The following MFSD2B variants were observed in gnomAD, a reference collection of about 807,000 sequenced individuals.
MFSD2B encodes MFSD2 lysolipid transporter B, sphingolipid, also known as sphingosine-1-phosphate transporter MFSD2B.
In MFSD2B, 56 loss-of-function variants were observed where a neutral mutation model predicts 58.4. That is an observed-to-expected ratio of 0.96 (90% CI 0.77 to 1.20). MFSD2B has a LOEUF of 1.20. MFSD2B is among the 50% of genes most tolerant of loss of function. The probability of loss-of-function intolerance (pLI) is 0.00; values close to 1 mark genes in which losing one functional copy is unlikely to be tolerated. For missense variants in MFSD2B, 645 were observed against 667.6 expected, an observed-to-expected ratio of 0.97 and a Z score of 0.37; for synonymous variants, 287 against 294.4, an observed-to-expected ratio of 0.97 and a Z score of 0.26.
rs1662732978 is a variant in MFSD2B at position 24,020,460 on chromosome 2, A to C, written c.682-1188A>C. On this transcript the variant is annotated intron_variant, in intron 6 of 13. Transcript: ENST00000338315. This position sits in a 1 kb window ranked among gnomAD's most constrained non-coding sequence, Gnocchi z 4.1. Reference sequence around the variant, plus strand: ...GCGCCCTCCCTCTCCTCCCCTCCCCAGAGGCAGCCTCTGTCCCGAACTGGC... The same window carrying C: ...GCGCCCTCCCTCTCCTCCCCTCCCCCGAGGCAGCCTCTGTCCCGAACTGGC... Among the ~76,000 whole-genome samples the C allele has an allele frequency of 6.7e-6, 1 of 149,234 alleles. No homozygotes were observed. The highest frequency in any genetic ancestry group is 1.5e-5 in the Non-Finnish European group (1 of 67,362).
At position 24,020,138 on chromosome 2, in the gene MFSD2B, G is replaced by T. The variant is rs1339178806; in HGVS notation, c.682-1510G>T. On this transcript the variant is annotated intron_variant, in intron 6 of 13. Transcript: ENST00000338315. The surrounding 1 kb of genome is among the most constrained non-coding windows in gnomAD (Gnocchi z 4.1). ...AGGTCACTTGGGGCCCTGAGCTGGG[G>T]ACATGTGTGGTCCTTGATGTGACAC... Among the ~76,000 whole-genome samples the T allele has an allele frequency of 6.6e-6, 1 of 152,162 alleles. No individual in the cohort carries two copies. Among genetic ancestry groups the T allele is most frequent in the Non-Finnish European group, 1.5e-5 (1 of 68,026 alleles).
rs1322132843 is a variant in MFSD2B, at chr2:24,023,610, C to G, written c.1197C>G (p.Asp399Glu). The G allele has an allele frequency of 1.2e-6, 2 of 1,613,950 alleles. No individual in the cohort carries two copies. Among genetic ancestry groups the G allele is most frequent in the Non-Finnish European group, 1.7e-6 (2 of 1,179,834 alleles). Residue 399 changes from aspartate to glutamate, a missense_variant, in exon 12 of 14, where the codon GAC becomes GAG. Asp to Glu is a conservative substitution (Grantham distance 45). Transcript: ENST00000338315. This position sits in a 1 kb window ranked among gnomAD's most constrained non-coding sequence, Gnocchi z 5.0. ...CCATGCTGCCAGACGTGGTGGATGACTTTCAGCTGCAGCACCGTCACGGGC... is the reference window on the plus strand; with the variant it reads ...CCATGCTGCCAGACGTGGTGGATGAGTTTCAGCTGCAGCACCGTCACGGGC... ...PWSMLPDVVD[D>E]FQLQHRHGPG... is the part of the protein sequence containing the mutation.
intron 2 of MFSD2B, 88 bp downstream of exon 2, chr2:24,013,498 C>T: frequency 1.5e-6 from 2 of 1,341,658 alleles, no homozygotes; most frequent in Non-Finnish European, 2.0e-6. Context: ...CTCCCACTAT[C>T]CTTGTAGACA....
At position 24,017,303 on chromosome 2, in the gene MFSD2B, C is replaced by T. The variant is rs757025436; in HGVS notation, c.489C>T (p.Tyr163=). 4 of 1,603,724 alleles carry T rather than the reference C, an allele frequency of 2.5e-6. No homozygotes were observed. In the Admixed American group the frequency reaches 6.8e-5, roughly 27 times the overall value. ...CGCCCCAGTTCTTCCAGGTGCCCTA[C>T]ACAGCGCTCACCATGCTGCTGACTC... ...QALATFFQVP[Y]TALTMLLTPC... Residue 163 remains tyrosine, a synonymous_variant, in exon 5 of 14, where the codon TAC becomes TAT. Transcript: ENST00000338315. The surrounding 1 kb of genome is among the most constrained non-coding windows in gnomAD (Gnocchi z 4.8).
Position 24,022,518 on chromosome 2 carries a change from T to G in MFSD2B, c.978+2T>G, listed in dbSNP as rs1429499484. The G allele has an allele frequency of 6.2e-7, 1 of 1,611,404 alleles. No homozygotes were observed. On this transcript the variant is annotated splice_donor_variant, in intron 9 of 13. Coordinates refer to ENST00000338315, the MANE Select transcript of MFSD2B (RefSeq NM_001346880.2). LOFTEE classifies it high-confidence loss of function. The surrounding 1 kb of genome is among the most constrained non-coding windows in gnomAD (Gnocchi z 4.5). The stretch of plus-strand genomic sequence containing the variant: ...CAGGGCCTGGTACTAACTGTCCTGG[T>G]GAGGGGGCCTGGGGTGGTGGAGGCT...
At chr2:24,011,733 C>T (rs530852286) in intron 1 of MFSD2B, among the ~76,000 whole-genome samples, 2 of 152,318 alleles carry the variant, frequency 1.3e-5, no homozygotes, top group South Asian at 2.1e-4. Flanking sequence ...GTACTGGAAA[C>T]ACCATGATAA....
At position 24,023,025 on chromosome 2, in the gene MFSD2B, C is replaced by T; in HGVS notation, c.1060-105C>T. The T allele has an allele frequency of 7.5e-7, 1 of 1,338,090 alleles. No individual in the cohort carries two copies. Among genetic ancestry groups the T allele is most frequent in the Non-Finnish European group, 1.1e-6 (1 of 939,998 alleles). 82.9% of individuals were successfully genotyped at this position (1,338,090 alleles called of 1,614,324 possible). The stretch of plus-strand genomic sequence containing the variant: ...TCTGTGTTCCCTTGAGTCTTTAGGG[C>T]CTAGCACAGGGCAAGGCATGGGGGT... On this transcript the variant is annotated intron_variant, in intron 10 of 13. Coordinates refer to ENST00000338315, the MANE Select transcript of MFSD2B (RefSeq NM_001346880.2). This position sits in a 1 kb window ranked among gnomAD's most constrained non-coding sequence, Gnocchi z 5.0.
rs1038610485 is a variant in MFSD2B, at chr2:24,022,299, G to A, written c.895-134G>A. On this transcript the variant is annotated intron_variant, in intron 8 of 13. Transcript: ENST00000338315. The surrounding 1 kb of genome is among the most constrained non-coding windows in gnomAD (Gnocchi z 4.5). ...TGTTGGGGATAAGTGTCCTTTGTGG[G>A]GGAAGGGACTGTATGATGGTAGCAG... 9 of 755,142 alleles carry A rather than the reference G, an allele frequency of 1.2e-5. No individual in the cohort carries two copies. The highest frequency in any genetic ancestry group is 1.0e-4 in the African/African-American group (6 of 57,426). The allele number at this position is 755,142 out of a possible 1,614,324, so 46.8% of individuals were successfully genotyped here. A position where few individuals can be genotyped will look rare whatever the true frequency, so the allele number is the denominator to read the frequency against.
At position 24,016,883 on chromosome 2, in the gene MFSD2B, T is replaced by C. The variant is rs943735431; in HGVS notation, c.386T>C (p.Phe129Ser). ...GCTPFIALAY[F>S]FLWFLPPFTS... ...ACCCCCTTCATCGCCCTGGCCTACT[T>C]CTTCCTGTGGTTCCTGCCCCCCTTC... Residue 129 changes from phenylalanine to serine, a missense_variant, in exon 4 of 14, where the codon TTC (phenylalanine) becomes TCC (serine). By Grantham distance (155) the Phe-to-Ser change is radical. Coordinates refer to ENST00000338315, the MANE Select transcript of MFSD2B (RefSeq NM_001346880.2). 1 of 1,613,852 alleles carries C rather than the reference T, an allele frequency of 6.2e-7. No individual in the cohort carries two copies. Among genetic ancestry groups the C allele is most frequent in the African/African-American group, 1.3e-5 (1 of 75,046 alleles).
At position 24,022,920 on chromosome 2, in the gene MFSD2B, C is replaced by T. The variant is rs756341599; in HGVS notation, c.1059+18C>T. The T allele has an allele frequency of 6.9e-6, 11 of 1,601,584 alleles. No individual in the cohort carries two copies. In the East Asian group the frequency reaches 2.5e-4, roughly 36 times the overall value. On this transcript the variant is annotated intron_variant, in intron 10 of 13. Transcript: ENST00000338315. This position sits in a 1 kb window ranked among gnomAD's most constrained non-coding sequence, Gnocchi z 4.5. ...GGATCTTTGTGAGTGAGGCGGGAATCAAGGATTGGGGGTGGCCGGAGGGGA... is the reference window on the plus strand; with the variant it reads ...GGATCTTTGTGAGTGAGGCGGGAATTAAGGATTGGGGGTGGCCGGAGGGGA...
chr2:24,015,805 C>T (rs145899681), intron 2 of MFSD2B, among the ~76,000 whole-genome samples: 56 of 152,332 alleles, frequency 3.7e-4, no homozygotes, highest in African/African-American at 1.3e-3. Context: ...GTATTATTTA[C>T]ATAGTCAGAA....
At chr2:24,015,322 C>T (rs1709100006) in intron 2 of MFSD2B, among the ~76,000 whole-genome samples, 1 of 151,584 alleles carries the variant, frequency 6.6e-6, no homozygotes, top group African/African-American at 2.4e-5. Flanking sequence ...TGTAGAGGAA[C>T]GTGCCTGTGG....
rs1662874274 is a variant in MFSD2B at position 24,023,514 on chromosome 2, TC to T, written c.1170-65del. On this transcript the variant is annotated intron_variant, in intron 11 of 13. Coordinates refer to ENST00000338315, the MANE Select transcript of MFSD2B (RefSeq NM_001346880.2). This position sits in a 1 kb window ranked among gnomAD's most constrained non-coding sequence, Gnocchi z 5.0. ...AGGGATGAATCCACTTTGGCCTCCG[TC>T]CCCAGAGAATTCACAGGCTGCTGGT... 2.0e-6 allele frequency: 3 copies of T among 1,535,154 alleles called. No homozygotes were observed. Among genetic ancestry groups the T allele is most frequent in the Non-Finnish European group, 1.8e-6 (2 of 1,136,006 alleles).
Position 24,023,759 on chromosome 2 carries a change from C to A in MFSD2B, c.1313+33C>A, listed in dbSNP as rs1316602191. ...CCAGGGTTAGGATACAGCAGAGGCACCAAGGACCAGTGGGCAGGAAGAGGG... is the reference window on the plus strand; with the variant it reads ...CCAGGGTTAGGATACAGCAGAGGCAACAAGGACCAGTGGGCAGGAAGAGGG... On this transcript the variant is annotated intron_variant, in intron 12 of 13. Coordinates refer to ENST00000338315, the MANE Select transcript of MFSD2B (RefSeq NM_001346880.2). This position sits in a 1 kb window ranked among gnomAD's most constrained non-coding sequence, Gnocchi z 5.0. 1.2e-6 allele frequency: 2 copies of A among 1,607,974 alleles called. No individual in the cohort carries two copies. Among genetic ancestry groups the A allele is most frequent in the Admixed American group, 1.7e-5 (1 of 59,650 alleles).
chr2:24,013,453 G>A, intron 2 of MFSD2B, 43 bp downstream of exon 2: 2 of 1,554,306 alleles, frequency 1.3e-6, no homozygotes, highest in Non-Finnish European at 1.8e-6. Context: ...CATCTTCCTT[G>A]GGGTCTGGTC....
chr2:24,025,292 A>G (rs1037256978), intron 13 of MFSD2B, 140 bp from the exon 14 acceptor site: 4 of 725,736 alleles, frequency 5.5e-6, no homozygotes, highest in Non-Finnish European at 9.6e-6. Context: ...GCTCATCTAC[A>G]GGACTTGGGA....
Position 24,017,711 on chromosome 2 carries a change from C to G in MFSD2B, c.681+123C>G. On this transcript the variant is annotated intron_variant, in intron 6 of 13. Coordinates refer to ENST00000338315, the MANE Select transcript of MFSD2B (RefSeq NM_001346880.2). The surrounding 1 kb of genome is among the most constrained non-coding windows in gnomAD (Gnocchi z 4.8). ...TGTCTTTTAGGGGGCTCACTGTGCC[C>G]CCTCATTCCTTCCCTGCTCCTCCAG... The G allele has an allele frequency of 1.9e-6, 2 of 1,053,962 alleles. No homozygotes were observed. Among genetic ancestry groups the G allele is most frequent in the Non-Finnish European group, 2.7e-6 (2 of 743,598 alleles). The allele number at this position is 1,053,962 out of a possible 1,614,324, so 65.3% of individuals were successfully genotyped here. A position where few individuals can be genotyped will look rare whatever the true frequency, so the allele number is the denominator to read the frequency against.
chr2:24,013,101 T>C, intron 1 of MFSD2B, 184 bp from the exon 2 acceptor site: 1 of 476,364 alleles, frequency 2.1e-6, no homozygotes, highest in Non-Finnish European at 3.6e-6. Context: ...GGTCAGGGTT[T>C]AGGATCTTTT....
At chr2:24,016,301 T>C (rs1709143600) in intron 3 of MFSD2B, 21 bp downstream of exon 3, 1 of 1,608,466 alleles carries the variant, frequency 6.2e-7, no homozygotes, top group Non-Finnish European at 8.5e-7. Flanking sequence ...GCTCAGTCCT[T>C]AGGATCCAGG....
Sources: gnomAD v4.1 joint callset for allele counts (sites outside exome capture counted in the v4.1 genomes callset) on GRCh38, gnomAD v4.1.1 for gene constraint, Gnocchi (gnomAD v3.1) non-coding constraint, MANE v1.5 for transcripts, NCBI Gene and HGNC (gene_info 2026-07-23, HGNC 2026-07-21) for gene names.